The following CTIF variants were observed in gnomAD, a reference collection of about 807,000 sequenced individuals.
CTIF encodes CBP80/20-dependent translation initiation factor.
CTIF carries 21 observed loss-of-function variants against 66.0 expected under a neutral mutation model. The observed-to-expected ratio is 0.32, with a 90% CI of 0.23 to 0.46. The LOEUF (loss-of-function observed/expected upper bound fraction) is 0.46, where lower values mean the gene tolerates loss of function less well. CTIF is among the 20% of genes least tolerant of loss of function. The pLI is 1.00. For synonymous variants in CTIF, 345 were observed against 326.4 expected (o/e 1.06, Z -0.62); for missense variants, 739 against 812.7 (o/e 0.91, Z 1.10).
chr18:48,783,684 A>G (rs1051385136), intron 9 of CTIF, among the ~76,000 whole-genome samples: 1 of 149,638 alleles, frequency 6.7e-6, no homozygotes, highest in Non-Finnish European at 1.5e-5. Context: ...ACCCCACCCC[A>G]CCTCCTCTAT....
At chr18:48,826,473 T>C (rs1372905056) in intron 10 of CTIF, 1 of 152,288 alleles carries the variant, frequency 6.6e-6, no homozygotes, top group East Asian at 1.9e-4. Context: ...TTGCCCACCT[T>C]CAGGGCCGGG....
chr18:48,643,091 G>A (rs2090963866), intron 3 of CTIF, among the ~76,000 whole-genome samples: 1 of 152,162 alleles, frequency 6.6e-6, no homozygotes, highest in Admixed American at 6.6e-5. Context: ...CGGAGGCTGG[G>A]GCTGAACTTT....
intron 1 of CTIF, among the ~76,000 whole-genome samples, chr18:48,557,421 G>C (rs1215202698): frequency 1.3e-5 from 2 of 152,180 alleles, no homozygotes; most frequent in Non-Finnish European, 2.9e-5. Context: ...AGCTGGGAGA[G>C]AAAGTCCTTT....
chr18:48,660,278 C>T (rs924855682), intron 3 of CTIF, among the ~76,000 whole-genome samples: 2 of 151,878 alleles, frequency 1.3e-5, no homozygotes, highest in Admixed American at 6.6e-5. Context: ...GCGTGACTGC[C>T]ATGGCTCTTG....
At chr18:48,855,158 G>T (rs2069299221) in intron 10 of CTIF, among the ~76,000 whole-genome samples, 1 of 152,162 alleles carries the variant, frequency 6.6e-6, no homozygotes, top group Admixed American at 6.5e-5. Flanking sequence ...CTTTCGAAGT[G>T]CCACCTCGGC....
intron 6 of CTIF, among the ~76,000 whole-genome samples, chr18:48,701,695 C>T (rs1026196007): frequency 2.0e-5 from 3 of 152,204 alleles, no homozygotes. Flanking sequence ...CCCTGTTGGT[C>T]CCTAGTCCCT....
intron 7 of CTIF, among the ~76,000 whole-genome samples, chr18:48,716,878 T>A (rs2092286971): frequency 6.6e-6 from 1 of 152,186 alleles, no homozygotes; most frequent in African/African-American, 2.4e-5. Flanking sequence ...ATTTACTCCA[T>A]GTGCAAAGCA....
At chr18:48,581,013 G>T (rs927165546) in intron 1 of CTIF, among the ~76,000 whole-genome samples, 1 of 152,206 alleles carries the variant, frequency 6.6e-6, no homozygotes, top group Non-Finnish European at 1.5e-5. Context: ...ACTGCCCGGG[G>T]GCTGTCTTCT....
rs2069433453 is a variant in CTIF at position 48,860,211 on chromosome 18, G to A, written c.*652G>A. Reference sequence around the variant, plus strand: ...CAGGCCTAGGGGGTCAGGCGCAGCGGGGGAGATGGAGTTTGCAGTTCCACT... The same window carrying A: ...CAGGCCTAGGGGGTCAGGCGCAGCGAGGGAGATGGAGTTTGCAGTTCCACT... On this transcript the variant is annotated 3_prime_UTR_variant, in exon 12 of 12. Transcript: ENST00000256413. The A allele has an allele frequency of 5.9e-6, 2 of 336,688 alleles. No homozygotes were observed. Among genetic ancestry groups the A allele is most frequent in the Admixed American group, 3.9e-5 (1 of 25,876 alleles). The allele number at this position is 336,688 out of a possible 1,614,324, so 20.9% of individuals were successfully genotyped here. A position where few individuals can be genotyped will look rare whatever the true frequency, so the allele number is the denominator to read the frequency against.
chr18:48,592,776 T>A (rs543833910), intron 1 of CTIF, among the ~76,000 whole-genome samples: 23 of 152,310 alleles, frequency 1.5e-4, no homozygotes, highest in African/African-American at 5.5e-4. Context: ...TGGCGGGGAC[T>A]AATCGCTCTC....
At chr18:48,771,825 G>C (rs554671189) in intron 9 of CTIF, among the ~76,000 whole-genome samples, 1 of 152,238 alleles carries the variant, frequency 6.6e-6, no homozygotes. Flanking sequence ...CCCAGCCGCC[G>C]CGGGGAATCT....
At chr18:48,781,898 A>G (rs1474075873) in intron 9 of CTIF, among the ~76,000 whole-genome samples, 1 of 152,222 alleles carries the variant, frequency 6.6e-6, no homozygotes, top group Non-Finnish European at 1.5e-5. Flanking sequence ...TGCTCTGCAT[A>G]GCACGCATGA....
chr18:48,823,924 T>C (rs1343786485), intron 10 of CTIF, among the ~76,000 whole-genome samples: 1 of 151,126 alleles, frequency 6.6e-6, no homozygotes, highest in Admixed American at 6.6e-5. Context: ...AGACATAAAA[T>C]TGTCTCTGTT....
chr18:48,669,815 A>G lies in CTIF; in HGVS notation c.432-854A>G, dbSNP rs1159115927. Among the ~76,000 whole-genome samples, 50 of 113,300 alleles carry G rather than the reference A, an allele frequency of 4.4e-4. 2 individuals carry two copies. The highest frequency in any genetic ancestry group is 1.7e-3 in the African/African-American group (49 of 29,452). 74.3% of individuals were successfully genotyped at this position (113,300 alleles called of 152,430 possible). A position where few individuals can be genotyped will look rare whatever the true frequency, so the allele number is the denominator to read the frequency against. On this transcript the variant is annotated intron_variant, in intron 5 of 11. Transcript: ENST00000256413. Reference sequence around the variant, plus strand: ...CATTTATATATATATATATATATATATATATATATATATATATATATATAT... The same window carrying G: ...CATTTATATATATATATATATATATGTATATATATATATATATATATATAT...
intron 6 of CTIF, among the ~76,000 whole-genome samples, chr18:48,698,056 C>T (rs55779580): frequency 2.2e-5 from 3 of 135,264 alleles, no homozygotes; most frequent in Non-Finnish European, 4.7e-5. Flanking sequence ...GGGCAACTCT[C>T]TACTCCTCCC....
chr18:48,750,573 TGGGAAA>T (rs1335030458), intron 7 of CTIF, among the ~76,000 whole-genome samples: 3 of 152,182 alleles, frequency 2.0e-5, no homozygotes, highest in Non-Finnish European at 4.4e-5. Context: ...CAGACTGTGG[TGGGAAA>T]GGGCTGTTCC....
rs1555695524 is a variant in CTIF at position 48,797,496 on chromosome 18, G to GC, written c.1372-19725_1372-19724insC. 8.2e-4 allele frequency among the ~76,000 whole-genome samples: 122 copies of GC among 149,618 alleles called. 3 individuals are homozygous for GC. The East Asian group carries it at 0.013, about 16-fold the overall frequency. ...AGACTCCATCCAAAAAAGAAAAGGG[G>GC]TGGGGGGGCAAGTTTCTGAGTTCTG... On this transcript the variant is annotated intron_variant, in intron 9 of 11. Transcript: ENST00000256413.
intron 1 of CTIF, among the ~76,000 whole-genome samples, chr18:48,586,563 G>A (rs368889910): frequency 9.2e-5 from 14 of 152,260 alleles, no homozygotes; most frequent in African/African-American, 1.2e-4. Flanking sequence ...GAGCCACCAC[G>A]CCCGGCCTTA....
chr18:48,633,236 C>T (rs1163643235), intron 2 of CTIF, among the ~76,000 whole-genome samples: 3 of 152,226 alleles, frequency 2.0e-5, no homozygotes, highest in African/African-American at 7.2e-5. Context: ...TTCCCTCCAG[C>T]CAGTGGGCAC....
Sources: allele counts gnomAD v4.1 joint callset (sites outside exome capture counted in the v4.1 genomes callset), GRCh38; gene constraint gnomAD v4.1.1; transcripts MANE v1.5; gene names NCBI Gene and HGNC (gene_info 2026-07-23, HGNC 2026-07-21).